DIP2C: variants seen among roughly 807,000 people sequenced by gnomAD.
The protein encoded by DIP2C is disco-interacting protein 2 homolog C.
A neutral mutation model predicts 192.4 loss-of-function variants in DIP2C; 33 were observed. The observed-to-expected ratio is 0.17, with a 90% confidence interval of 0.13 to 0.23. DIP2C has a LOEUF of 0.23. Ranked by LOEUF, DIP2C falls within the 10% of genes least tolerant of loss-of-function variation. The probability of loss-of-function intolerance (pLI) is 1.00; values close to 1 mark genes in which losing one functional copy is unlikely to be tolerated. For synonymous variants in DIP2C, 979 were observed against 864.1 expected (o/e 1.13, Z -2.33); for missense variants, 1,537 against 2,110.1 (o/e 0.73, Z 5.32).
chr10:432,261 G>C (rs1276245720), intron 4 of DIP2C, among the ~76,000 whole-genome samples: 1 of 152,192 alleles, frequency 6.6e-6, no homozygotes, highest in African/African-American at 2.4e-5. Flanking sequence ...AGATTGTAGA[G>C]AATTGGCATA....
intron 1 of DIP2C, among the ~76,000 whole-genome samples, chr10:512,911 C>T (rs1248718607): frequency 7.3e-6 from 1 of 136,770 alleles, no homozygotes; most frequent in East Asian, 2.1e-4. Context: ...AACAGCGAGA[C>T]CCCACTTCAG....
At chr10:432,153 TGA>T (rs1966864016) in intron 4 of DIP2C, among the ~76,000 whole-genome samples, 2 of 152,168 alleles carry the variant, frequency 1.3e-5, no homozygotes, top group Non-Finnish European at 1.5e-5. Flanking sequence ...TCTGTGTTCA[TGA>T]GAGATGTTTT....
intron 10 of DIP2C, among the ~76,000 whole-genome samples, chr10:395,671 T>C (rs748204189): frequency 3.9e-5 from 6 of 152,178 alleles, no homozygotes; most frequent in Non-Finnish European, 7.4e-5. Flanking sequence ...CAGGGTTATA[T>C]TGGCACAGAG....
At chr10:607,864 T>G (rs1300605987) in intron 1 of DIP2C, among the ~76,000 whole-genome samples, 1 of 152,036 alleles carries the variant, frequency 6.6e-6, no homozygotes, top group Non-Finnish European at 1.5e-5. Flanking sequence ...AAAGCCAAAG[T>G]AGGCCCACAA....
At chr10:346,637 T>A (rs1426558189) in intron 26 of DIP2C, among the ~76,000 whole-genome samples, 3 of 84,538 alleles carry the variant, frequency 3.5e-5, no homozygotes, top group Non-Finnish European at 4.5e-5. Context: ...AACCCCACAC[T>A]CACCCAACCC....
In DIP2C at chr10:274,641, C is replaced by T. The variant is rs1331205511; in HGVS notation, c.*2684G>A. ...TGAGTTTCTCTAACCAGTCACCACA[C>T]TCTGAAATAACGCTGCTAACATTCA... On this transcript the variant is annotated 3_prime_UTR_variant, in exon 37 of 37. Transcript: ENST00000280886. The T allele has an allele frequency of 6.6e-6, 1 of 152,184 alleles. No homozygotes were observed. Among genetic ancestry groups the T allele is most frequent in the East Asian group, 1.9e-4 (1 of 5,200 alleles). The allele number at this position is 152,184 out of a possible 1,614,324, so 9.4% of individuals were successfully genotyped here.
intron 6 of DIP2C, among the ~76,000 whole-genome samples, chr10:417,659 T>TGAG: frequency 1.0e-4 from 1 of 9,774 alleles, no homozygotes; most frequent in East Asian, 0.01. Flanking sequence ...TGTCCACCTG[T>TGAG]TCCTGTCAGG....
chr10:384,093 T>TGTGTGCTACTAATGCCCAATGC lies in DIP2C; in HGVS notation c.1788_1809dup (p.Arg604AlafsTer45), dbSNP rs1405230768. 6.2e-7 allele frequency: 1 copy of TGTGTGCTACTAATGCCCAATGC among 1,612,514 alleles called. No individual in the cohort carries two copies. The highest frequency in any genetic ancestry group is 8.5e-7 in the Non-Finnish European group (1 of 1,179,630). On this transcript the variant is annotated frameshift_variant, in exon 16 of 37. Coordinates refer to ENST00000280886, the MANE Select transcript of DIP2C (RefSeq NM_014974.3). LOFTEE classifies it high-confidence loss of function. Reference sequence around the variant, plus strand: ...GAGAGGTTGATGTCTCTCTGATCTCTGTGTGCTACTAATGCCCAATGCATA... The same window carrying TGTGTGCTACTAATGCCCAATGC: ...GAGAGGTTGATGTCTCTCTGATCTCTGTGTGCTACTAATGCCCAATGCGTGTGCTACTAATGCCCAATGCATA...
intron 2 of DIP2C, among the ~76,000 whole-genome samples, chr10:485,275 A>C (rs551720656): frequency 2.0e-5 from 3 of 152,372 alleles, no homozygotes; most frequent in Admixed American, 2.0e-4. Flanking sequence ...GGGAACTCAC[A>C]GGGACAGGGC....
chr10:580,816 CAGTG>C (rs1850596577), intron 1 of DIP2C, among the ~76,000 whole-genome samples: 1 of 152,156 alleles, frequency 6.6e-6, no homozygotes, highest in Non-Finnish European at 1.5e-5. Context: ...GACAAAAACA[CAGTG>C]AGAAGGGCGC....
intron 5 of DIP2C, among the ~76,000 whole-genome samples, chr10:421,689 TTC>T (rs1275861804): frequency 6.6e-6 from 1 of 152,220 alleles, no homozygotes. Context: ...TACAGAGTAT[TTC>T]TATTTTCTCC....
At chr10:459,100 G>A (rs1969540938) in intron 3 of DIP2C, among the ~76,000 whole-genome samples, 1 of 152,056 alleles carries the variant, frequency 6.6e-6, no homozygotes, top group Non-Finnish European at 1.5e-5. Context: ...TTGCCAGTGG[G>A]GCTAATATTT....
At chr10:335,335 AGG>A (rs879355982) in intron 29 of DIP2C, among the ~76,000 whole-genome samples, 8 of 152,188 alleles carry the variant, frequency 5.3e-5, no homozygotes, top group Non-Finnish European at 1.2e-4. Context: ...CAGACACTTC[AGG>A]GGGGATTTCC....
intron 32 of DIP2C, among the ~76,000 whole-genome samples, chr10:304,295 T>C (rs1956203010): frequency 6.6e-6 from 1 of 152,140 alleles, no homozygotes; most frequent in Non-Finnish European, 1.5e-5. Context: ...TCACAGGAAT[T>C]TTTCAGCTTC....
intron 1 of DIP2C, among the ~76,000 whole-genome samples, chr10:642,544 T>C (rs11815644): frequency 0.034 from 5,255 of 152,324 alleles, 180 homozygotes; most frequent in African/African-American, 0.085. Flanking sequence ...TCCTAACACA[T>C]TGGCCAACAC....
At chr10:319,114 T>C (rs1303791992) in intron 31 of DIP2C, among the ~76,000 whole-genome samples, 1 of 152,072 alleles carries the variant, frequency 6.6e-6, no homozygotes, top group Non-Finnish European at 1.5e-5. Flanking sequence ...GGTCTTACTA[T>C]GTTGGGCAAG....
At chr10:493,227 T>C (rs1402841964) in intron 1 of DIP2C, among the ~76,000 whole-genome samples, 2 of 152,180 alleles carry the variant, frequency 1.3e-5, no homozygotes, top group African/African-American at 2.4e-5. Context: ...TAAAAACTCT[T>C]CAGGCAAGCA....
At chr10:596,690 GA>G (rs1419830750) in intron 1 of DIP2C, among the ~76,000 whole-genome samples, 3 of 152,068 alleles carry the variant, frequency 2.0e-5, no homozygotes, top group African/African-American at 7.2e-5. Context: ...ACTGTGAATG[GA>G]ATCGGCATAG....
chr10:486,337 G>T, intron 2 of DIP2C, 122 bp downstream of exon 2: 1 of 858,606 alleles, frequency 1.2e-6, no homozygotes. Context: ...CCTGGAGGGT[G>T]AACGCCAGAC....
Sources: gnomAD v4.1 joint callset for allele counts (sites outside exome capture counted in the v4.1 genomes callset) on GRCh38, gnomAD v4.1.1 for gene constraint, MANE v1.5 for transcripts, NCBI Gene and HGNC (gene_info 2026-07-23, HGNC 2026-07-21) for gene names.